NEK3: variants seen among roughly 807,000 people sequenced by gnomAD.
NEK3 encodes the protein NIMA related kinase 3.
NEK3 carries 54 observed loss-of-function variants against 66.0 expected under a neutral mutation model. The ratio of observed to expected loss-of-function variants is 0.82; its 90% CI spans 0.66 to 1.03. The LOEUF (loss-of-function observed/expected upper bound fraction) is 1.03. Among genes scored for constraint, NEK3 ranks in the 50% least tolerant of loss-of-function variants. The pLI, the probability that NEK3 is intolerant of heterozygous loss-of-function variation, is 0.00. For synonymous variants in NEK3, 200 were observed against 206.2 expected, an observed-to-expected ratio of 0.97 and a Z score of 0.26; for missense variants, 593 against 603.0, an observed-to-expected ratio of 0.98 and a Z score of 0.17.
chr13:52,148,970 C>A (rs1208054903), intron 7 of NEK3, among the ~76,000 whole-genome samples: 1 of 152,152 alleles, frequency 6.6e-6, no homozygotes, highest in African/African-American at 2.4e-5. Context: ...CGGCTCACTG[C>A]AAGCTCTGCC....
In NEK3 at chr13:52,136,716, TTA is replaced by T. The variant is rs374362740; in HGVS notation, c.1030+82_1030+83del. On this transcript the variant is annotated intron_variant, in intron 12 of 15. Coordinates refer to ENST00000610828, the MANE Select transcript of NEK3 (RefSeq NM_002498.3). Reference sequence around the variant, plus strand: ...AACAAATATCAGCTTGTACTCTTGTTTATGATATCTGAGACCTAGTAACATAA... The same window carrying T: ...AACAAATATCAGCTTGTACTCTTGTTTGATATCTGAGACCTAGTAACATAA... 389 of 735,924 alleles carry T rather than the reference TTA, an allele frequency of 5.3e-4. 1 individual carries two copies. Among genetic ancestry groups the T allele is most frequent in the Middle Eastern group, 3.2e-3 (9 of 2,786 alleles). The allele number at this position is 735,924 out of a possible 1,614,324, so 45.6% of individuals were successfully genotyped here. A position where few individuals can be genotyped will look rare whatever the true frequency, so the allele number is the denominator to read the frequency against.
rs1296280877 is a variant in NEK3 at position 52,135,179 on chromosome 13, T to A, written c.1309+550A>T. Among the ~76,000 whole-genome samples, 4 of 152,288 alleles carry A rather than the reference T, an allele frequency of 2.6e-5. No individual in the cohort carries two copies. The East Asian group carries it at 7.7e-4, about 29-fold the overall frequency. ...AGAGTATTATAAAAAAATTATTTTA[T>A]ACAATGTTAGTAAAAATATCTGTAA... On this transcript the variant is annotated intron_variant, in intron 14 of 15. Coordinates refer to ENST00000610828, the MANE Select transcript of NEK3 (RefSeq NM_002498.3).
intron 11 of NEK3, among the ~76,000 whole-genome samples, chr13:52,139,292 A>G (rs1187421432): frequency 3.3e-5 from 5 of 152,256 alleles, no homozygotes; most frequent in Admixed American, 2.0e-4. Flanking sequence ...GAAAGAGGCC[A>G]GACATAAAAG....
intron 11 of NEK3, among the ~76,000 whole-genome samples, chr13:52,138,170 G>A (rs373573863): frequency 2.0e-5 from 3 of 152,296 alleles, no homozygotes; most frequent in African/African-American, 7.2e-5. Context: ...ACAGGCATGT[G>A]CCACCATGCC....
chr13:52,136,879 CT>C lies in NEK3; in HGVS notation c.950del (p.Lys317ArgfsTer14). 1 of 1,568,630 alleles carries C rather than the reference CT, an allele frequency of 6.4e-7. No individual in the cohort carries two copies. The highest frequency in any genetic ancestry group is 8.7e-7 in the Non-Finnish European group (1 of 1,155,750). On this transcript the variant is annotated frameshift_variant, in exon 12 of 16. Transcript: ENST00000610828. LOFTEE classifies it high-confidence loss of function. ...TGCTTTCCAAATCAGTATGGCTACC[CT>C]TTCTATCTTGTTCTTCCTCTTGCTT... The part of the protein sequence containing the change: ...STVQEEEQDR[K>X]GSHTDLESIN...
chr13:52,154,252 G>T, intron 2 of NEK3, 79 bp from the exon 3 acceptor site: 1 of 891,918 alleles, frequency 1.1e-6, no homozygotes, highest in Non-Finnish European at 1.7e-6. Flanking sequence ...TGGTTTATAT[G>T]ACACTTTAAT....
intron 11 of NEK3, among the ~76,000 whole-genome samples, chr13:52,140,049 CAAAA>C (rs34051162): frequency 1.2e-5 from 1 of 86,664 alleles, no homozygotes; most frequent in Non-Finnish European, 2.0e-5. Context: ...AAAAAAATGC[CAAAA>C]AAAAAAAAAA....
At position 52,132,755 on chromosome 13, in the gene NEK3, G is replaced by A. The variant is rs1168092880; in HGVS notation, c.*387C>T. 1 of 178,310 alleles carries A rather than the reference G, an allele frequency of 5.6e-6. No homozygotes were observed. The highest frequency in any genetic ancestry group is 1.2e-5 in the Non-Finnish European group (1 of 84,302). 11.0% of individuals were successfully genotyped at this position (178,310 alleles called of 1,614,324 possible). ...TAATATCATACGGGCTGCTATAAAG[G>A]TCTGTGGTCAGCATCCCTCTGAGGT... On this transcript the variant is annotated 3_prime_UTR_variant, in exon 16 of 16. Transcript: ENST00000610828.
At chr13:52,134,039 CT>C (rs937496684) in intron 14 of NEK3, among the ~76,000 whole-genome samples, 3 of 151,046 alleles carry the variant, frequency 2.0e-5, no homozygotes, top group Admixed American at 1.3e-4. Context: ...GTACTTTATT[CT>C]TTTTTTTTGA....
intron 1 of NEK3, 144 bp from the exon 2 acceptor site, chr13:52,156,392 C>T: frequency 5.0e-6 from 2 of 398,888 alleles, no homozygotes; most frequent in Non-Finnish European, 4.5e-6. Flanking sequence ...CCAAAATATG[C>T]CACTTTCATG....
chr13:52,146,655 C>A (rs1469891818), intron 8 of NEK3, among the ~76,000 whole-genome samples: 1 of 152,118 alleles, frequency 6.6e-6, no homozygotes, highest in Non-Finnish European at 1.5e-5. Flanking sequence ...TTGTAATCAC[C>A]TGTTTTAAAA....
chr13:52,139,383 C>A (rs896704890), intron 11 of NEK3, among the ~76,000 whole-genome samples: 1 of 152,156 alleles, frequency 6.6e-6, no homozygotes, highest in African/African-American at 2.4e-5. Flanking sequence ...CTACCAGGGG[C>A]TACCAGATTT....
chr13:52,147,057 C>A (rs1001132205), intron 8 of NEK3, among the ~76,000 whole-genome samples: 2 of 152,090 alleles, frequency 1.3e-5, no homozygotes, highest in African/African-American at 4.8e-5. Flanking sequence ...GTTATTTAAC[C>A]TTTTTTTGTT....
At chr13:52,148,002 G>GA (rs1430524605) in intron 8 of NEK3, 1 of 155,060 alleles carries the variant, frequency 6.4e-6, no homozygotes, top group Non-Finnish European at 1.4e-5. Context: ...TCTCAAAAAC[G>GA]AAACAAAACA....
chr13:52,135,603 G>C, intron 14 of NEK3, 126 bp downstream of exon 14: 1 of 725,892 alleles, frequency 1.4e-6, no homozygotes, highest in Non-Finnish European at 2.1e-6. Context: ...ACAACAATGT[G>C]ACGTACTTAG....
At chr13:52,153,797 T>C in intron 4 of NEK3, 98 bp downstream of exon 4, 1 of 778,914 alleles carries the variant, frequency 1.3e-6, no homozygotes, top group Non-Finnish European at 2.1e-6. Context: ...CCTTCTCGGG[T>C]AATTACAGAT....
intron 2 of NEK3, among the ~76,000 whole-genome samples, chr13:52,154,653 C>T (rs1278052755): frequency 1.3e-5 from 2 of 151,738 alleles, no homozygotes; most frequent in African/African-American, 2.4e-5. Context: ...TATATTACTG[C>T]ATCAAGGATG....
intron 8 of NEK3, chr13:52,148,147 A>C: frequency 3.1e-6 from 1 of 324,174 alleles, no homozygotes. Flanking sequence ...AAAATAAAAA[A>C]TTAAGAATAG....
At chr13:52,151,058 T>C (rs914514096) in intron 7 of NEK3, 88 bp downstream of exon 7, 26 of 996,682 alleles carry the variant, frequency 2.6e-5, no homozygotes, top group South Asian at 1.7e-4. Flanking sequence ...TGCATCTGTT[T>C]TGAAGTGACG....
Sources: allele counts gnomAD v4.1 joint callset (sites outside exome capture counted in the v4.1 genomes callset), GRCh38; gene constraint gnomAD v4.1.1; transcripts MANE v1.5; gene names NCBI Gene and HGNC (gene_info 2026-07-23, HGNC 2026-07-21).